ZNF521: variants seen among roughly 807,000 people sequenced by gnomAD.
ZNF521 encodes zinc finger protein 521.
In ZNF521, 14 loss-of-function variants were observed where a neutral mutation model predicts 105.5. The observed-to-expected ratio is 0.13, with a 90% CI of 0.09 to 0.21. The LOEUF is 0.21. ZNF521 is among the 10% of genes least tolerant of loss of function. The pLI is 1.00. For missense variants in ZNF521, 1,233 were observed against 1,629.7 expected (o/e 0.76, Z 4.19); for synonymous variants, 635 against 606.0 (o/e 1.05, Z -0.70).
At chr18:25,205,109 A>G (rs2036055835) in intron 4 of ZNF521, among the ~76,000 whole-genome samples, 1 of 146,142 alleles carries the variant, frequency 6.8e-6, no homozygotes, top group Non-Finnish European at 1.5e-5. Flanking sequence ...GAAGAGGATG[A>G]ATAACAGACT....
chr18:25,323,400 T>A (rs1600306927), intron 2 of ZNF521, among the ~76,000 whole-genome samples: 2 of 152,042 alleles, frequency 1.3e-5, no homozygotes, highest in South Asian at 4.2e-4. Context: ...CTACAATAAA[T>A]ATGATAATTT....
intron 5 of ZNF521, among the ~76,000 whole-genome samples, chr18:25,110,442 C>CAAAAAAAAAAAAA (rs372395726): frequency 6.9e-4 from 102 of 148,858 alleles, no homozygotes; most frequent in Middle Eastern, 3.6e-3. Context: ...GGCAGGAGAC[C>CAAAAAAAAAAAAA]AAAAAAGAAA....
At chr18:25,301,448 T>TA in intron 3 of ZNF521, among the ~76,000 whole-genome samples, 1 of 152,292 alleles carries the variant, frequency 6.6e-6, no homozygotes, top group Admixed American at 6.5e-5. Flanking sequence ...TAAAGTTTTT[T>TA]AAAAAAGAGA....
intron 5 of ZNF521, among the ~76,000 whole-genome samples, chr18:25,100,080 T>C (rs2033936957): frequency 6.6e-6 from 1 of 152,042 alleles, no homozygotes; most frequent in African/African-American, 2.4e-5. Context: ...CCTTTTCTTT[T>C]TTTCTTTCTT....
chr18:25,310,796 C>T (rs1343302702), intron 3 of ZNF521, among the ~76,000 whole-genome samples: 1 of 152,098 alleles, frequency 6.6e-6, no homozygotes, highest in Non-Finnish European at 1.5e-5. Context: ...TCAAAAATAA[C>T]CCATATAATT....
chr18:25,236,378 T>C (rs1376423276), intron 3 of ZNF521, among the ~76,000 whole-genome samples: 1 of 151,798 alleles, frequency 6.6e-6, no homozygotes, highest in African/African-American at 2.4e-5. Context: ...TCTACTAAAA[T>C]ACAAAAAATT....
At chr18:25,118,350 GA>G (rs1294067547) in intron 5 of ZNF521, among the ~76,000 whole-genome samples, 1 of 151,872 alleles carries the variant, frequency 6.6e-6, no homozygotes, top group East Asian at 1.9e-4. Flanking sequence ...GAAGAATTAA[GA>G]GCAACATAAA....
intron 5 of ZNF521, among the ~76,000 whole-genome samples, chr18:25,172,632 A>G (rs1048212872): frequency 1.3e-5 from 2 of 152,208 alleles, no homozygotes; most frequent in Non-Finnish European, 2.9e-5. Flanking sequence ...CTGTGGTGAT[A>G]GACATTACTA....
intron 5 of ZNF521, among the ~76,000 whole-genome samples, chr18:25,183,735 G>T (rs986961784): frequency 3.3e-5 from 5 of 152,208 alleles, no homozygotes; most frequent in South Asian, 4.2e-4. Context: ...GCTGGTGCTC[G>T]TTTGAAACAC....
At chr18:25,303,301 TGTGTGTGTGAGAGAGA>T (rs1196537789) in intron 3 of ZNF521, among the ~76,000 whole-genome samples, 48 of 113,450 alleles carry the variant, frequency 4.2e-4, no homozygotes, top group African/African-American at 2.0e-3. Flanking sequence ...TGTGTGTGTG[TGTGTGTGTGAGAGAGA>T]GACGGAGTCT....
intron 4 of ZNF521, among the ~76,000 whole-genome samples, chr18:25,210,678 G>A (rs1407054520): frequency 6.6e-6 from 1 of 152,040 alleles, no homozygotes; most frequent in Non-Finnish European, 1.5e-5. Context: ...TTAATTACCA[G>A]GCTTCAATTA....
rs192909795 is a variant in ZNF521, at chr18:25,217,073, C to T, written c.3573+7272G>A. 5.1e-3 allele frequency among the ~76,000 whole-genome samples: 769 copies of T among 152,204 alleles called. 2 individuals carry two copies. The highest frequency in any genetic ancestry group is 8.2e-3 in the Non-Finnish European group (560 of 68,022). ...AGTCGCCAGAAGGAAGTGAGAATAG[C>T]CTGCCACAGCCAGAGAGCCCATGAC... On this transcript the variant is annotated intron_variant, in intron 4 of 7. Transcript: ENST00000361524.
At chr18:25,296,219 G>A (rs2145049864) in intron 3 of ZNF521, among the ~76,000 whole-genome samples, 1 of 152,106 alleles carries the variant, frequency 6.6e-6, no homozygotes, top group South Asian at 2.1e-4. Flanking sequence ...TATCATCCCT[G>A]ATGAAAATAT....
rs771889238 is a variant in ZNF521, at chr18:25,226,626, T to C, written c.1292A>G (p.Asp431Gly). 1.2e-5 allele frequency: 19 copies of C among 1,614,202 alleles called. No homozygotes were observed. The highest frequency in any genetic ancestry group is 1.6e-5 in the Non-Finnish European group (19 of 1,180,032). The change falls in exon 4 of 8, where the codon GAT becomes GGT. Residue 431 changes from aspartate to glycine, a missense_variant. Transcript: ENST00000361524. This position sits in a 1 kb window ranked among gnomAD's most constrained non-coding sequence, Gnocchi z 4.1. The part of the protein sequence containing the change: ...LQIHLKTMHL[D>G]KPEQAHICQY... ...ACAAATATGGGCCTGTTCTGGCTTA[T>C]CTAAGTGCATAGTTTTCAGGTGAAT...
intron 5 of ZNF521, among the ~76,000 whole-genome samples, chr18:25,093,646 C>A (rs1324558323): frequency 6.6e-6 from 1 of 152,042 alleles, no homozygotes; most frequent in Non-Finnish European, 1.5e-5. Flanking sequence ...AAAAGAGAAG[C>A]AAAGCACTAA....
intron 3 of ZNF521, among the ~76,000 whole-genome samples, chr18:25,298,020 G>A (rs560353154): frequency 7.9e-5 from 12 of 152,142 alleles, no homozygotes; most frequent in South Asian, 2.1e-4. Context: ...TGGGCTACAC[G>A]CAACATATTC....
At chr18:25,179,319 T>G (rs2035591001) in intron 5 of ZNF521, among the ~76,000 whole-genome samples, 1 of 151,562 alleles carries the variant, frequency 6.6e-6, no homozygotes, top group African/African-American at 2.4e-5. Context: ...CTGGCTAATT[T>G]TTGTATTTTT....
intron 5 of ZNF521, among the ~76,000 whole-genome samples, chr18:25,114,541 T>C (rs2034265574): frequency 1.3e-5 from 2 of 152,186 alleles, no homozygotes; most frequent in Admixed American, 1.3e-4. Flanking sequence ...GCAGGATAAA[T>C]AAGTATTTCA....
At chr18:25,212,538 A>AAAAAATAT (rs1555647923) in intron 4 of ZNF521, among the ~76,000 whole-genome samples, 15 of 48,140 alleles carry the variant, frequency 3.1e-4, no homozygotes, top group African/African-American at 1.3e-3. Context: ...AAAAAAAAAA[A>AAAAAATAT]ATATATATAT....
Sources: allele counts gnomAD v4.1 joint callset (sites outside exome capture counted in the v4.1 genomes callset), GRCh38; gene constraint gnomAD v4.1.1; non-coding constraint Gnocchi (gnomAD v3.1); transcripts MANE v1.5; gene names NCBI Gene and HGNC (gene_info 2026-07-23, HGNC 2026-07-21).